The following OSBP2 variants were observed in gnomAD, a reference collection of about 807,000 sequenced individuals.
OSBP2 encodes oxysterol binding protein 2, also known as oxysterol-binding protein 2.
Under a neutral mutation model 96.0 loss-of-function variants are expected in OSBP2, and 66 were observed. The observed-to-expected ratio is 0.69, with a 90% CI of 0.56 to 0.84. OSBP2 has a LOEUF of 0.84. Among genes scored for constraint, OSBP2 ranks in the 40% least tolerant of loss-of-function variants. The probability of loss-of-function intolerance (pLI) is 0.00; values close to 1 mark genes in which losing one functional copy is unlikely to be tolerated. For missense variants in OSBP2, 1,038 were observed against 1,222.7 expected (o/e 0.85, Z 2.25); for synonymous variants, 525 against 520.9 (o/e 1.01, Z -0.11).
intron 2 of OSBP2, among the ~76,000 whole-genome samples, chr22:30,865,689 G>A (rs937778426): frequency 1.3e-5 from 2 of 151,388 alleles, no homozygotes; most frequent in African/African-American, 4.9e-5. Flanking sequence ...TTGCGTCAGT[G>A]GAAGGTGACC....
chr22:30,829,090 C>T (rs573974914), intron 2 of OSBP2, among the ~76,000 whole-genome samples: 1 of 152,214 alleles, frequency 6.6e-6, no homozygotes, highest in East Asian at 1.9e-4. Context: ...GGGACAGGCC[C>T]AGGCTCCCCC....
chr22:30,698,644 T>C (rs2089098422), intron 1 of OSBP2, among the ~76,000 whole-genome samples: 1 of 152,092 alleles, frequency 6.6e-6, no homozygotes, highest in Non-Finnish European at 1.5e-5. Flanking sequence ...TTCACCATAT[T>C]GGCCGGGATG....
chr22:30,775,035 A>C (rs2090411233), intron 2 of OSBP2, among the ~76,000 whole-genome samples: 1 of 151,984 alleles, frequency 6.6e-6, no homozygotes, highest in Admixed American at 6.6e-5. Flanking sequence ...TATTTCCCCC[A>C]TTATTACTAT....
intron 12 of OSBP2, among the ~76,000 whole-genome samples, chr22:30,900,696 C>T (rs548190876): frequency 2.0e-5 from 3 of 152,202 alleles, no homozygotes; most frequent in East Asian, 3.9e-4. Context: ...TGGAATGGCT[C>T]ACCAAATGAA....
chr22:30,759,070 C>A, intron 2 of OSBP2, among the ~76,000 whole-genome samples: 1 of 152,122 alleles, frequency 6.6e-6, no homozygotes, highest in East Asian at 1.9e-4. Context: ...CCAACTAGTA[C>A]TGCAAAGGGC....
intron 2 of OSBP2, among the ~76,000 whole-genome samples, chr22:30,840,877 AACGTGGG>A (rs2038739570): frequency 6.6e-6 from 1 of 152,014 alleles, no homozygotes; most frequent in Admixed American, 6.6e-5. Context: ...TAAAGTGTAC[AACGTGGG>A]CTAGGCGAGG....
At chr22:30,778,369 C>CT (rs1231778368) in intron 2 of OSBP2, among the ~76,000 whole-genome samples, 1 of 151,740 alleles carries the variant, frequency 6.6e-6, no homozygotes, top group Non-Finnish European at 1.5e-5. Context: ...CCGTGTTCTC[C>CT]TTTCCCTGGG....
chr22:30,793,128 G>A (rs1201023129), intron 2 of OSBP2, among the ~76,000 whole-genome samples: 2 of 152,208 alleles, frequency 1.3e-5, no homozygotes, highest in Admixed American at 6.5e-5. Flanking sequence ...GGTGGCTCAC[G>A]CCTGTAATCC....
intron 1 of OSBP2, among the ~76,000 whole-genome samples, chr22:30,732,197 G>A (rs192878200): frequency 7.3e-4 from 111 of 152,192 alleles, no homozygotes; most frequent in African/African-American, 2.5e-3. Context: ...CCAGCTACTC[G>A]GGAGGCTGAG....
rs1327820858 is a variant in OSBP2, at chr22:30,741,701, C to T, written c.853+332C>T. 3.3e-5 allele frequency among the ~76,000 whole-genome samples: 5 copies of T among 152,190 alleles called. No homozygotes were observed. The East Asian group carries it at 7.7e-4, about 23-fold the overall frequency. On this transcript the variant is annotated intron_variant, in intron 2 of 13. Transcript: ENST00000332585. ...GCAGTCAGTCTGTGCCTCAAGCCAG[C>T]CGTTTCCCCAGGTTCCCCCATCGTG...
intron 1 of OSBP2, among the ~76,000 whole-genome samples, chr22:30,731,072 G>A (rs2145723686): frequency 6.6e-6 from 1 of 151,808 alleles, no homozygotes; most frequent in African/African-American, 2.4e-5. Context: ...TACTCGGGAG[G>A]CTGAGGGAGG....
chr22:30,850,029 G>A (rs1156883794), intron 2 of OSBP2, among the ~76,000 whole-genome samples: 1 of 152,036 alleles, frequency 6.6e-6, no homozygotes, highest in Non-Finnish European at 1.5e-5. Flanking sequence ...CAGGCTGGGC[G>A]TGGTGGCTCA....
intron 2 of OSBP2, among the ~76,000 whole-genome samples, chr22:30,762,537 G>T (rs562051866): frequency 2.6e-4 from 39 of 151,586 alleles, no homozygotes; most frequent in Admixed American, 2.1e-3. Context: ...GCAAGACTCC[G>T]TCTCCAAAAA....
intron 2 of OSBP2, among the ~76,000 whole-genome samples, chr22:30,853,099 T>C (rs566588493): frequency 3.3e-5 from 5 of 152,346 alleles, no homozygotes; most frequent in Admixed American, 2.6e-4. Flanking sequence ...TCGTAGGATG[T>C]AGAGTTCTGT....
At chr22:30,758,435 A>G (rs79208254) in intron 2 of OSBP2, among the ~76,000 whole-genome samples, 4,291 of 152,232 alleles carry the variant, frequency 0.028, 95 homozygotes, top group African/African-American at 0.063. Context: ...GACAGAATGC[A>G]CAGAGCAGCT....
At chr22:30,705,994 G>T (rs187889450) in intron 1 of OSBP2, among the ~76,000 whole-genome samples, 1 of 152,176 alleles carries the variant, frequency 6.6e-6, no homozygotes, top group South Asian at 2.1e-4. Flanking sequence ...AACTATGTCA[G>T]TAAAGAAAGA....
rs1305127415 is a variant in OSBP2 at position 30,907,773 on chromosome 22, C to T, written c.*1434C>T. On this transcript the variant is annotated 3_prime_UTR_variant, in exon 14 of 14. Coordinates refer to ENST00000332585, the MANE Select transcript of OSBP2 (RefSeq NM_030758.4). ...CCTCTCCCCAACACTGTTTTGTTAG[C>T]GAGCACCTTTTGACCAGTAATAAAA... The T allele has an allele frequency of 1.3e-5, 2 of 152,638 alleles. No individual in the cohort carries two copies. Among genetic ancestry groups the T allele is most frequent in the Non-Finnish European group, 1.5e-5 (1 of 68,078 alleles). The allele number at this position is 152,638 out of a possible 1,614,324, so 9.5% of individuals were successfully genotyped here. A position where few individuals can be genotyped will look rare whatever the true frequency, so the allele number is the denominator to read the frequency against.
chr22:30,763,177 A>G (rs909610770), intron 2 of OSBP2, among the ~76,000 whole-genome samples: 5 of 152,180 alleles, frequency 3.3e-5, no homozygotes, highest in Non-Finnish European at 5.9e-5. Context: ...CTTGGCAAAC[A>G]CTCGACTAAA....
intron 2 of OSBP2, among the ~76,000 whole-genome samples, chr22:30,794,428 C>G (rs989383254): frequency 1.3e-5 from 2 of 151,788 alleles, no homozygotes; most frequent in Non-Finnish European, 2.9e-5. Context: ...TCATGTCCGA[C>G]TAATTTTTAT....
Sources: allele counts gnomAD v4.1 joint callset (sites outside exome capture counted in the v4.1 genomes callset), GRCh38; gene constraint gnomAD v4.1.1; transcripts MANE v1.5; gene names NCBI Gene and HGNC (gene_info 2026-07-23, HGNC 2026-07-21).